The following TSPAN13 variants were observed in gnomAD, a reference collection of about 807,000 sequenced individuals.
TSPAN13 encodes tetraspanin-13.
TSPAN13 carries 18 observed loss-of-function variants against 26.9 expected under a neutral mutation model. The observed-to-expected ratio is 0.67, with a 90% CI of 0.46 to 0.99. The LOEUF (loss-of-function observed/expected upper bound fraction) is 0.99, where lower values mean the gene tolerates loss of function less well. Among genes scored for constraint, TSPAN13 ranks in the 50% least tolerant of loss-of-function variants. TSPAN13 has a pLI of 0.00. For synonymous variants in TSPAN13, 116 were observed against 98.4 expected (o/e 1.18, Z -1.06); for missense variants, 201 against 249.6 (o/e 0.81, Z 1.31).
chr7:16,755,728 C>G (rs1784475032), intron 1 of TSPAN13, among the ~76,000 whole-genome samples: 1 of 151,866 alleles, frequency 6.6e-6, no homozygotes, highest in African/African-American at 2.4e-5. Context: ...ACTGAAGGGT[C>G]TATATCAATG....
At chr7:16,766,118 G>C (rs1784600836) in intron 1 of TSPAN13, among the ~76,000 whole-genome samples, 1 of 152,058 alleles carries the variant, frequency 6.6e-6, no homozygotes, top group African/African-American at 2.4e-5. Flanking sequence ...AAGTCTTTAG[G>C]TGTTATAATT....
chr7:16,757,700 T>C (rs2115320154), intron 1 of TSPAN13, among the ~76,000 whole-genome samples: 1 of 152,330 alleles, frequency 6.6e-6, no homozygotes, highest in Non-Finnish European at 1.5e-5. Flanking sequence ...TTTCTCTTTT[T>C]CGTGATTCTT....
chr7:16,768,088 A>G (rs1415839225), intron 1 of TSPAN13, among the ~76,000 whole-genome samples: 1 of 151,604 alleles, frequency 6.6e-6, no homozygotes, highest in African/African-American at 2.4e-5. Context: ...AATTTTTTGT[A>G]TTTTTAGTAG....
In TSPAN13 at chr7:16,777,068, T is replaced by C. The variant is rs778038363; in HGVS notation, c.258T>C (p.Phe86=). 24 of 1,613,178 alleles carry C rather than the reference T, an allele frequency of 1.5e-5. No homozygotes were observed. Among genetic ancestry groups the C allele is most frequent in the Non-Finnish European group, 2.0e-5 (23 of 1,179,420 alleles). ...FFYMIILLLV[F]IVQFSVSCAC... ...ATATGATTATTCTGTTACTTGTATT[T>C]ATTGTTCAGTTTTCTGTATCTTGCG... Residue 86 remains phenylalanine (F), a synonymous_variant, in exon 3 of 6, where the codon TTT becomes TTC. Coordinates refer to ENST00000262067, the MANE Select transcript of TSPAN13 (RefSeq NM_014399.4).
Position 16,776,357 on chromosome 7 carries a change from T to C in TSPAN13, c.210T>C (p.His70=). Residue 70 remains histidine, a synonymous_variant, in exon 2 of 6, where the codon CAT becomes CAC. Transcript: ENST00000262067. The part of the protein sequence containing the change: ...ALVGLIGAVK[H]HQVLLFFYMI... ...TGGGTCTGATTGGAGCTGTAAAACA[T>C]CATCAGGTGTTGCTATTTTTTGTAT... The C allele has an allele frequency of 1.2e-6, 2 of 1,613,418 alleles. No individual in the cohort carries two copies. Among genetic ancestry groups the C allele is most frequent in the Non-Finnish European group, 1.7e-6 (2 of 1,179,738 alleles).
At chr7:16,776,488 C>A (rs112153503) in intron 2 of TSPAN13, 110 bp downstream of exon 2, 2 of 1,016,606 alleles carry the variant, frequency 2.0e-6, no homozygotes, top group Non-Finnish European at 2.9e-6. Context: ...TCCAAGCAAG[C>A]CTTATGCATA....
chr7:16,779,034 C>T lies in TSPAN13; in HGVS notation c.458C>T (p.Pro153Leu). The change falls in exon 5 of 6, where the codon CCA (proline) becomes CTA (leucine). Residue 153 changes from proline (P) to leucine (L), a missense_variant. Coordinates refer to ENST00000262067, the MANE Select transcript of TSPAN13 (RefSeq NM_014399.4). ...GTTAAAAGTGACCACTCGTGCTCGC[C>T]ATGTGCTCCAATCATAGGAGAATAT... ...SCVKSDHSCS[P>L]CAPIIGEYAG... 5 of 1,613,938 alleles carry T rather than the reference C, an allele frequency of 3.1e-6. No homozygotes were observed. The highest frequency in any genetic ancestry group is 4.2e-6 in the Non-Finnish European group (5 of 1,179,932).
At chr7:16,768,346 A>G (rs1784632353) in intron 1 of TSPAN13, among the ~76,000 whole-genome samples, 1 of 152,204 alleles carries the variant, frequency 6.6e-6, no homozygotes, top group African/African-American at 2.4e-5. Flanking sequence ...ACGGCAGGTA[A>G]AAACACAGAT....
At chr7:16,769,315 A>T in intron 1 of TSPAN13, among the ~76,000 whole-genome samples, 1 of 152,230 alleles carries the variant, frequency 6.6e-6, no homozygotes, top group South Asian at 2.1e-4. Flanking sequence ...TGAACCACTG[A>T]CAGGACTGAT....
intron 1 of TSPAN13, among the ~76,000 whole-genome samples, chr7:16,756,949 T>C (rs917245288): frequency 6.6e-6 from 1 of 152,234 alleles, no homozygotes; most frequent in Non-Finnish European, 1.5e-5. Context: ...TTTTATTTAC[T>C]ACCTTTTATA....
chr7:16,769,590 G>C (rs962283195), intron 1 of TSPAN13, among the ~76,000 whole-genome samples: 58 of 151,968 alleles, frequency 3.8e-4, no homozygotes, highest in African/African-American at 1.4e-3. Context: ...AATTTTTTTT[G>C]GTGCATCAGC....
At chr7:16,754,632 A>T (rs7809197) in intron 1 of TSPAN13, among the ~76,000 whole-genome samples, 1 of 151,986 alleles carries the variant, frequency 6.6e-6, no homozygotes, top group Non-Finnish European at 1.5e-5. Flanking sequence ...CAGTTTTGCT[A>T]GTACTTGGTG....
intron 1 of TSPAN13, among the ~76,000 whole-genome samples, chr7:16,759,698 T>C (rs1457850509): frequency 7.6e-6 from 1 of 131,816 alleles, no homozygotes; most frequent in African/African-American, 3.1e-5. Flanking sequence ...TTTCTTTCTT[T>C]CTTTTTTTTT....
At chr7:16,761,690 A>ATTTTTTT (rs35451307) in intron 1 of TSPAN13, among the ~76,000 whole-genome samples, 36 of 93,316 alleles carry the variant, frequency 3.9e-4, no homozygotes, top group Middle Eastern at 8.1e-3. Flanking sequence ...CAGCTAATTA[A>ATTTTTTT]TTTTTTTTTT....
chr7:16,754,783 C>T (rs1784463916), intron 1 of TSPAN13, among the ~76,000 whole-genome samples: 1 of 152,054 alleles, frequency 6.6e-6, no homozygotes. Context: ...GCTGCAGGCT[C>T]TCTTTGTGAT....
intron 1 of TSPAN13, among the ~76,000 whole-genome samples, chr7:16,772,565 T>A (rs1263621774): frequency 6.6e-6 from 1 of 152,154 alleles, no homozygotes; most frequent in Non-Finnish European, 1.5e-5. Context: ...TTCTACATTG[T>A]GTGTGTCTCT....
Position 16,753,804 on chromosome 7 carries a change from CCG to C in TSPAN13, c.-154_-153del, listed in dbSNP as rs921547969. On this transcript the variant is annotated 5_prime_UTR_variant, in exon 1 of 6. Transcript: ENST00000262067. ...GTTCCAAAGCGGGTCCGAGCCGCCG[CCG>C]CGCGCGCGCCGCGCACTGCAGCCCC... The C allele has an allele frequency of 7.2e-5, 43 of 599,616 alleles. No homozygotes were observed. Among genetic ancestry groups the C allele is most frequent in the Admixed American group, 1.7e-4 (4 of 24,192 alleles). 37.1% of individuals were successfully genotyped at this position (599,616 alleles called of 1,614,324 possible).
At chr7:16,767,091 G>A (rs1447981449) in intron 1 of TSPAN13, among the ~76,000 whole-genome samples, 1 of 152,074 alleles carries the variant, frequency 6.6e-6, no homozygotes, top group African/African-American at 2.4e-5. Context: ...GAGACTATAG[G>A]CACACCACTG....
At chr7:16,780,159 G>C (rs911944986) in intron 5 of TSPAN13, among the ~76,000 whole-genome samples, 20 of 151,874 alleles carry the variant, frequency 1.3e-4, no homozygotes, top group Non-Finnish European at 2.8e-4. Context: ...GAGTGTAGTG[G>C]TGCAATCTCG....
Sources: gnomAD v4.1 joint callset for allele counts (sites outside exome capture counted in the v4.1 genomes callset) on GRCh38, gnomAD v4.1.1 for gene constraint, MANE v1.5 for transcripts, NCBI Gene and HGNC (gene_info 2026-07-23, HGNC 2026-07-21) for gene names.